The following KLK2 variants were observed in gnomAD, a reference collection of about 807,000 sequenced individuals.
KLK2 encodes kallikrein-2.
Under a neutral mutation model 23.0 loss-of-function variants are expected in KLK2, and 17 were observed. The ratio of observed to expected loss-of-function variants is 0.74; its 90% CI spans 0.51 to 1.11. KLK2 has a LOEUF of 1.11. KLK2 is among the 50% of genes least tolerant of loss of function. KLK2 has a pLI of 0.00. For missense variants in KLK2, 330 were observed against 325.9 expected (o/e 1.01, Z -0.10); for synonymous variants, 140 against 124.7 (o/e 1.12, Z -0.82).
rs1292384058 is a variant in KLK2, at chr19:50,878,427, C to G, written c.654C>G (p.Val218=). Residue 218 remains valine (V), a synonymous_variant, in exon 5 of 5, where the codon GTC becomes GTG. Coordinates refer to ENST00000325321, the MANE Select transcript of KLK2 (RefSeq NM_005551.5). ...TCGGDSGGPL[V]CNGVLQGITS... ...AGGGTGATTCTGGGGGTCCACTTGT[C>G]TGTAATGGTGTGCTTCAAGGTATCA... 6.2e-7 allele frequency: 1 copy of G among 1,613,616 alleles called. No individual in the cohort carries two copies. The highest frequency in any genetic ancestry group is 1.3e-5 in the African/African-American group (1 of 74,912).
Position 50,876,517 on chromosome 19 carries a change from A to G in KLK2, c.252A>G (p.Glu84=). The G allele has an allele frequency of 6.2e-7, 1 of 1,614,154 alleles. No homozygotes were observed. The highest frequency in any genetic ancestry group is 8.5e-7 in the Non-Finnish European group (1 of 1,180,012). ...GTCGGCACAACCTGTTTGAGCCTGA[A>G]GACACAGGCCAGAGGGTCCCTGTCA... ...WLGRHNLFEP[E]DTGQRVPVSH... Residue 84 remains glutamate, a synonymous_variant, in exon 3 of 5, where the codon GAA becomes GAG. Transcript: ENST00000325321.
chr19:50,875,226 G>A (rs765604332), intron 2 of KLK2, among the ~76,000 whole-genome samples: 3 of 152,066 alleles, frequency 2.0e-5, no homozygotes, highest in Non-Finnish European at 2.9e-5. Flanking sequence ...CTCTGTCACC[G>A]TGTGTCTCAC....
Position 50,879,812 on chromosome 19 carries a change from A to G in KLK2, c.*1253A>G, listed in dbSNP as rs561604217. ...AAGTATATCAAGGCACTTGGGCAGA[A>G]CATGCCAAGGAATCAAATGTCATCT... On this transcript the variant is annotated 3_prime_UTR_variant, in exon 5 of 5. Coordinates refer to ENST00000325321, the MANE Select transcript of KLK2 (RefSeq NM_005551.5). 3 of 230,254 alleles carry G rather than the reference A, an allele frequency of 1.3e-5. No homozygotes were observed. The highest frequency in any genetic ancestry group is 1.7e-5 in the Non-Finnish European group (2 of 116,102). The allele number at this position is 230,254 out of a possible 1,614,324, so 14.3% of individuals were successfully genotyped here. A position where few individuals can be genotyped will look rare whatever the true frequency, so the allele number is the denominator to read the frequency against.
intron 4 of KLK2, among the ~76,000 whole-genome samples, chr19:50,878,051 G>A (rs1325096082): frequency 6.6e-6 from 1 of 152,170 alleles, no homozygotes; most frequent in African/African-American, 2.4e-5. Context: ...TAGTCAGAGA[G>A]TAGTCCTGAA....
At chr19:50,877,150 C>T (rs987359740) in intron 4 of KLK2, 142 bp downstream of exon 4, 42 of 1,015,168 alleles carry the variant, frequency 4.1e-5, no homozygotes, top group African/African-American at 4.8e-5. Flanking sequence ...CCTCATCTGC[C>T]GCCCTCCTTC....
intron 3 of KLK2, 54 bp from the exon 4 acceptor site, chr19:50,876,818 G>A: frequency 1.2e-6 from 2 of 1,609,974 alleles, no homozygotes; most frequent in East Asian, 2.2e-5. Context: ...AGGGAAGTGG[G>A]GCCAAAGAAC....
At chr19:50,873,603 C>T (rs1179686464) in intron 1 of KLK2, 84 bp downstream of exon 1, 10 of 982,324 alleles carry the variant, frequency 1.0e-5, no homozygotes, top group Non-Finnish European at 1.2e-5. Context: ...GCCCCAGCCT[C>T]GTCCCTTCAG....
Position 50,879,622 on chromosome 19 carries a change from AG to A in KLK2, c.*1065del. The A allele has an allele frequency of 8.7e-6, 2 of 230,686 alleles. No individual in the cohort carries two copies. Among genetic ancestry groups the A allele is most frequent in the Non-Finnish European group, 1.7e-5 (2 of 116,426 alleles). 14.3% of individuals were successfully genotyped at this position (230,686 alleles called of 1,614,324 possible). ...TCCAGGGTTTTTACTGGGGGTCTGTAGGACGAGTATGGAGTACTTGAATAAT... is the reference window on the plus strand; with the variant it reads ...TCCAGGGTTTTTACTGGGGGTCTGTAGACGAGTATGGAGTACTTGAATAAT... On this transcript the variant is annotated 3_prime_UTR_variant, in exon 5 of 5. Transcript: ENST00000325321.
intron 2 of KLK2, chr19:50,876,086 C>T (rs986358109): frequency 2.1e-5 from 5 of 239,368 alleles, no homozygotes; most frequent in Non-Finnish European, 4.1e-5. Context: ...CTTCCCGCAT[C>T]CTTTTCTCAT....
rs1434880603 is a variant in KLK2, at chr19:50,878,461, G to C, written c.688G>C (p.Gly230Arg). ...NGVLQGITSW[G>R]PEPCALPEKP... ...TGTGCTTCAAGGTATCACATCATGG[G>C]GCCCTGAGCCATGTGCCCTGCCTGA... Residue 230 changes from glycine (G) to arginine (R), a missense_variant, in exon 5 of 5, where the codon GGC becomes CGC. Coordinates refer to ENST00000325321, the MANE Select transcript of KLK2 (RefSeq NM_005551.5). The C allele has an allele frequency of 2.5e-6, 4 of 1,613,898 alleles. No individual in the cohort carries two copies. In the African/African-American group the frequency reaches 5.3e-5, roughly 22 times the overall value.
intron 2 of KLK2, 134 bp from the exon 3 acceptor site, chr19:50,876,338 A>T: frequency 1.4e-6 from 1 of 730,538 alleles, no homozygotes. Context: ...TTTCACCACG[A>T]CTATATCTCC....
At position 50,880,344 on chromosome 19, in the gene KLK2, T is replaced by C. The variant is rs949438951; in HGVS notation, c.*1785T>C. 13 of 224,408 alleles carry C rather than the reference T, an allele frequency of 5.8e-5. No homozygotes were observed. Among genetic ancestry groups the C allele is most frequent in the African/African-American group, 2.9e-4 (13 of 44,628 alleles). The allele number at this position is 224,408 out of a possible 1,614,324, so 13.9% of individuals were successfully genotyped here. A position where few individuals can be genotyped will look rare whatever the true frequency, so the allele number is the denominator to read the frequency against. On this transcript the variant is annotated 3_prime_UTR_variant, in exon 5 of 5. Coordinates refer to ENST00000325321, the MANE Select transcript of KLK2 (RefSeq NM_005551.5). ...ACGGTGGGGCAAACTCTGATTTCCG[T>C]GGGGGAATGTCATGGTCTTGCTTTA... is the stretch of plus-strand genomic sequence containing the variant.
At position 50,874,841 on chromosome 19, in the gene KLK2, A is replaced by G; in HGVS notation, c.167A>G (p.His56Arg). Reference sequence around the variant, plus strand: ...GCACACTGTGGGGGTGTCCTGGTGCACCCCCAGTGGGTGCTCACAGCTGCC... The same window carrying G: ...GCACACTGTGGGGGTGTCCTGGTGCGCCCCCAGTGGGTGCTCACAGCTGCC... ...GWAHCGGVLV[H>R]PQWVLTAAHC... Residue 56 changes from histidine (H) to arginine (R), a missense_variant, in exon 2 of 5, where the codon CAC becomes CGC. Transcript: ENST00000325321. The G allele has an allele frequency of 1.2e-6, 2 of 1,613,054 alleles. No individual in the cohort carries two copies. The highest frequency in any genetic ancestry group is 2.2e-5 in the East Asian group (1 of 44,816).
intron 2 of KLK2, 131 bp from the exon 3 acceptor site, chr19:50,876,341 A>C: frequency 1.3e-6 from 1 of 748,468 alleles, no homozygotes; most frequent in East Asian, 2.6e-5. Flanking sequence ...CACCACGACT[A>C]TATCTCCCCG....
Position 50,876,518 on chromosome 19 carries a change from G to C in KLK2, c.253G>C (p.Asp85His). The C allele has an allele frequency of 6.2e-7, 1 of 1,614,152 alleles. No homozygotes were observed. Among genetic ancestry groups the C allele is most frequent in the South Asian group, 1.1e-5 (1 of 91,082 alleles). ...TCGGCACAACCTGTTTGAGCCTGAA[G>C]ACACAGGCCAGAGGGTCCCTGTCAG... ...LGRHNLFEPE[D>H]TGQRVPVSHS... The change falls in exon 3 of 5, where the codon GAC becomes CAC. Residue 85 changes from aspartate to histidine, a missense_variant. Physicochemically the swap from Asp to His is moderately conservative, Grantham distance 81. Transcript: ENST00000325321.
At chr19:50,875,285 T>G (rs1265219780) in intron 2 of KLK2, among the ~76,000 whole-genome samples, 3 of 152,186 alleles carry the variant, frequency 2.0e-5, no homozygotes, top group Admixed American at 1.3e-4. Flanking sequence ...CCTCAGCCCT[T>G]CCTCATCACT....
intron 4 of KLK2, chr19:50,877,407 G>A: frequency 4.0e-6 from 1 of 247,192 alleles, no homozygotes; most frequent in South Asian, 6.2e-5. Context: ...ATCGGGCTCT[G>A]GGGCAGGGAG....
rs115519956 is a variant in KLK2, at chr19:50,874,089, C to G, written c.46+570C>G. The stretch of plus-strand genomic sequence containing the variant: ...CTGGGACTTTCAGAACTCCTCCTTC[C>G]CTGACTCTTTGCCCCAGACCCGTCA... On this transcript the variant is annotated intron_variant, in intron 1 of 4. Transcript: ENST00000325321. 1,155 of 153,230 alleles carry G rather than the reference C, an allele frequency of 7.5e-3. 16 individuals are homozygous for G. The highest frequency in any genetic ancestry group is 0.024 in the African/African-American group (986 of 41,546). 9.5% of individuals were successfully genotyped at this position (153,230 alleles called of 1,614,324 possible). A position where few individuals can be genotyped will look rare whatever the true frequency, so the allele number is the denominator to read the frequency against.
Position 50,876,721 on chromosome 19 carries a change from C to T in KLK2, c.456C>T (p.Cys152=). 6.2e-7 allele frequency: 1 copy of T among 1,614,184 alleles called. No individual in the cohort carries two copies. Among genetic ancestry groups the T allele is most frequent in the Non-Finnish European group, 8.5e-7 (1 of 1,180,042 alleles). ...AGGAGCCAGCACTGGGGACCACCTG[C>T]TACGCCTCAGGCTGGGGCAGCATCG... The part of the protein sequence containing the change: ...PTQEPALGTT[C]YASGWGSIEP... Residue 152 remains cysteine (C), a synonymous_variant, in exon 3 of 5, where the codon TGC becomes TGT. Coordinates refer to ENST00000325321, the MANE Select transcript of KLK2 (RefSeq NM_005551.5).
Sources: gnomAD v4.1 joint callset for allele counts (sites outside exome capture counted in the v4.1 genomes callset) on GRCh38, gnomAD v4.1.1 for gene constraint, MANE v1.5 for transcripts, NCBI Gene and HGNC (gene_info 2026-07-23, HGNC 2026-07-21) for gene names.